Variants in CNTNAP4 observed in about 807,000 individuals in gnomAD.
The protein encoded by CNTNAP4 is contactin associated protein family member 4, also known as contactin-associated protein-like 4.
Under a neutral mutation model 148.4 loss-of-function variants are expected in CNTNAP4, and 98 were observed. That is an observed-to-expected ratio of 0.66 (90% CI 0.56 to 0.78). The LOEUF (loss-of-function observed/expected upper bound fraction) is 0.78. Among genes scored for constraint, CNTNAP4 ranks in the 30% least tolerant of loss-of-function variants. CNTNAP4 has a pLI of 0.00. For synonymous variants in CNTNAP4, 730 were observed against 565.1 expected, an observed-to-expected ratio of 1.29 and a Z score of -4.14; for missense variants, 1,935 against 1,565.6, an observed-to-expected ratio of 1.24 and a Z score of -3.98.
chr16:76,464,121 C>A (rs551397655), intron 9 of CNTNAP4, among the ~76,000 whole-genome samples: 1 of 152,252 alleles, frequency 6.6e-6, no homozygotes, highest in South Asian at 2.1e-4. Flanking sequence ...CAAACTCTGC[C>A]CTGCACTTCC....
chr16:76,374,064 C>G (rs1386757310), intron 3 of CNTNAP4, among the ~76,000 whole-genome samples: 2 of 152,098 alleles, frequency 1.3e-5, no homozygotes, highest in African/African-American at 4.8e-5. Context: ...GAATACCATT[C>G]TTTCATTTTG....
chr16:76,425,159 G>A (rs918878805), intron 3 of CNTNAP4, among the ~76,000 whole-genome samples: 2 of 152,106 alleles, frequency 1.3e-5, no homozygotes, highest in African/African-American at 4.8e-5. Context: ...TATGTTCTGG[G>A]AAACACTAGT....
At position 76,504,515 on chromosome 16, in the gene CNTNAP4, T is replaced by G. The variant is rs575636448; in HGVS notation, c.2365+5821T>G. 6.2e-4 allele frequency among the ~76,000 whole-genome samples: 95 copies of G among 152,232 alleles called. 1 individual carries two copies. The highest frequency in any genetic ancestry group is 2.2e-3 in the African/African-American group (91 of 41,560). ...CTAAAACCACAAACTATAACACTGC[T>G]CTAAGAAAATACAAGGGAAAATCTT... On this transcript the variant is annotated intron_variant, in intron 15 of 23. Transcript: ENST00000611870.
intron 3 of CNTNAP4, among the ~76,000 whole-genome samples, chr16:76,405,388 G>T (rs1286962626): frequency 6.6e-6 from 1 of 152,104 alleles, no homozygotes; most frequent in East Asian, 1.9e-4. Context: ...TTGACTTTTG[G>T]ATAACACAGG....
intron 15 of CNTNAP4, among the ~76,000 whole-genome samples, chr16:76,504,353 T>C (rs2082763559): frequency 6.6e-6 from 1 of 151,584 alleles, no homozygotes; most frequent in Non-Finnish European, 1.5e-5. Context: ...GATGAAAGGA[T>C]AGAATTTTTC....
Position 76,479,403 on chromosome 16 carries a change from A to T in CNTNAP4, c.1763-16A>T. On this transcript the variant is annotated splice_polypyrimidine_tract_variant and intron_variant, in intron 11 of 23. Coordinates refer to ENST00000611870, the MANE Select transcript of CNTNAP4 (RefSeq NM_033401.5). ...ATTTCATGCTATTCCATTAATGATG[A>T]TTTTTTTTCTTAAAGCTATCTATGA... 6.4e-7 allele frequency: 1 copy of T among 1,563,604 alleles called. No individual in the cohort carries two copies. The highest frequency in any genetic ancestry group is 8.7e-7 in the Non-Finnish European group (1 of 1,155,884).
At chr16:76,307,539 T>TATACAC (rs558814796) in intron 1 of CNTNAP4, among the ~76,000 whole-genome samples, 6 of 119,378 alleles carry the variant, frequency 5.0e-5, no homozygotes, top group African/African-American at 1.3e-4. Context: ...TATATATATA[T>TATACAC]ACCAAACTCC....
chr16:76,289,392 G>T (rs559409537), intron 1 of CNTNAP4, among the ~76,000 whole-genome samples: 6 of 151,948 alleles, frequency 3.9e-5, no homozygotes, highest in Non-Finnish European at 1.5e-5. Flanking sequence ...CATTCACATA[G>T]GGTAGAAGAA....
chr16:76,351,007 C>T (rs1234814622), intron 2 of CNTNAP4, among the ~76,000 whole-genome samples: 3 of 151,876 alleles, frequency 2.0e-5, no homozygotes, highest in Non-Finnish European at 2.9e-5. Context: ...TTGTTTTGTG[C>T]GTAAATTATC....
rs558929659 is a variant in CNTNAP4, at chr16:76,331,423, C to T, written c.196+14900C>T. On this transcript the variant is annotated intron_variant, in intron 2 of 23. Coordinates refer to ENST00000611870, the MANE Select transcript of CNTNAP4 (RefSeq NM_033401.5). ...CAGGATGGTCTCGATCTCCTGACCT[C>T]GTGATCCACCTGCCTCAGCATCCCA... is the stretch of plus-strand genomic sequence containing the variant. Among the ~76,000 whole-genome samples, 124 of 151,484 alleles carry T rather than the reference C, an allele frequency of 8.2e-4. 5 individuals are homozygous for T. In the South Asian group the frequency reaches 0.021, roughly 25 times the overall value.
At chr16:76,467,270 T>G in intron 9 of CNTNAP4, 82 bp from the exon 10 acceptor site, 1 of 1,253,652 alleles carries the variant, frequency 8.0e-7, no homozygotes, top group Non-Finnish European at 1.1e-6. Context: ...TGCCTCTTTC[T>G]TTTATTTTTT....
intron 6 of CNTNAP4, 30 bp from the exon 7 acceptor site, chr16:76,449,685 A>G: frequency 5.9e-6 from 9 of 1,522,404 alleles, no homozygotes; most frequent in South Asian, 1.3e-5. Context: ...ATCACTAAAC[A>G]ATATTATTGA....
chr16:76,307,503 C>CAT (rs6145898), intron 1 of CNTNAP4, among the ~76,000 whole-genome samples: 1,422 of 91,556 alleles, frequency 0.016, 58 homozygotes, highest in African/African-American at 0.016. Context: ...ATTTTAAATG[C>CAT]ATATATATAT....
intron 7 of CNTNAP4, among the ~76,000 whole-genome samples, chr16:76,451,438 C>T (rs192384282): frequency 2.0e-5 from 3 of 151,950 alleles, no homozygotes; most frequent in African/African-American, 7.2e-5. Flanking sequence ...TCAGCAAATC[C>T]CAAAGCACAT....
chr16:76,331,290 C>G (rs1048354141), intron 2 of CNTNAP4, among the ~76,000 whole-genome samples: 6 of 151,924 alleles, frequency 3.9e-5, no homozygotes, highest in South Asian at 2.1e-4. Flanking sequence ...CGGGTTCACA[C>G]CATTGTCCTG....
chr16:76,317,641 T>A (rs933996124), intron 2 of CNTNAP4, among the ~76,000 whole-genome samples: 1 of 152,194 alleles, frequency 6.6e-6, no homozygotes, highest in Non-Finnish European at 1.5e-5. Context: ...TTTTACTCTT[T>A]GATGTTATCC....
chr16:76,422,724 A>G (rs2079232760), intron 3 of CNTNAP4, among the ~76,000 whole-genome samples: 1 of 151,874 alleles, frequency 6.6e-6, no homozygotes, highest in Non-Finnish European at 1.5e-5. Context: ...CATTTTCCTC[A>G]GTTGTAAAGT....
chr16:76,325,111 G>T (rs1217108563), intron 2 of CNTNAP4, among the ~76,000 whole-genome samples: 1 of 152,166 alleles, frequency 6.6e-6, no homozygotes, highest in East Asian at 1.9e-4. Flanking sequence ...CCAAATAACA[G>T]AGTTTTAAAA....
At chr16:76,277,938 G>T (rs772503958) in intron 1 of CNTNAP4, among the ~76,000 whole-genome samples, 191 bp downstream of exon 1, 1 of 152,178 alleles carries the variant, frequency 6.6e-6, no homozygotes, top group East Asian at 1.9e-4. Flanking sequence ...GTCAAAATAG[G>T]CAAAGTGTCA....
Sources: allele counts gnomAD v4.1 joint callset (sites outside exome capture counted in the v4.1 genomes callset), GRCh38; gene constraint gnomAD v4.1.1; transcripts MANE v1.5; gene names NCBI Gene and HGNC (gene_info 2026-07-23, HGNC 2026-07-21).